PTPRD: variants seen among roughly 807,000 people sequenced by gnomAD.
PTPRD encodes the protein protein tyrosine phosphatase receptor type D, also known as receptor-type tyrosine-protein phosphatase delta.
A neutral mutation model predicts 214.5 loss-of-function variants in PTPRD; 34 were observed. The observed-to-expected ratio is 0.16, with a 90% CI of 0.12 to 0.21. The LOEUF (loss-of-function observed/expected upper bound fraction) is 0.21. Among genes scored for constraint, PTPRD ranks in the 10% least tolerant of loss-of-function variants. The probability of loss-of-function intolerance (pLI) is 1.00; values close to 1 mark genes in which losing one functional copy is unlikely to be tolerated. For missense variants in PTPRD, 2,545 were observed against 2,398.7 expected (o/e 1.06, Z -1.27); for synonymous variants, 1,128 against 845.7 (o/e 1.33, Z -5.79).
chr9:10,057,321 C>T (rs919501706), intron 3 of PTPRD, among the ~76,000 whole-genome samples: 1 of 152,152 alleles, frequency 6.6e-6, no homozygotes, highest in East Asian at 1.9e-4. Context: ...GATAATTTAA[C>T]AGAGGAAATT....
chr9:9,537,992 C>T (rs1286983981), intron 8 of PTPRD, among the ~76,000 whole-genome samples: 1 of 151,694 alleles, frequency 6.6e-6, no homozygotes, highest in African/African-American at 2.4e-5. Flanking sequence ...TTTACAATCT[C>T]CCCTACTACT....
chr9:8,646,762 A>G (rs1449742170), intron 12 of PTPRD, among the ~76,000 whole-genome samples: 1 of 152,154 alleles, frequency 6.6e-6, no homozygotes, highest in Non-Finnish European at 1.5e-5. Flanking sequence ...ACATTCATAG[A>G]ACCTTGAGAA....
intron 10 of PTPRD, among the ~76,000 whole-genome samples, chr9:9,099,916 C>G (rs1028004018): frequency 6.6e-6 from 1 of 152,074 alleles, no homozygotes; most frequent in Non-Finnish European, 1.5e-5. Context: ...TTTGAAAAGT[C>G]TATATTTTAA....
chr9:10,310,814 T>C (rs1300796570), intron 3 of PTPRD, among the ~76,000 whole-genome samples: 1 of 152,080 alleles, frequency 6.6e-6, no homozygotes, highest in Non-Finnish European at 1.5e-5. Flanking sequence ...TCTGAATAGT[T>C]GTTAAACGCA....
At chr9:9,431,987 G>T (rs964231391) in intron 8 of PTPRD, among the ~76,000 whole-genome samples, 3 of 150,570 alleles carry the variant, frequency 2.0e-5, no homozygotes, top group Non-Finnish European at 3.0e-5. Context: ...CACCACCATG[G>T]CACATGTATA....
intron 8 of PTPRD, among the ~76,000 whole-genome samples, chr9:9,448,729 C>G (rs2091264268): frequency 6.6e-6 from 1 of 151,944 alleles, no homozygotes; most frequent in Non-Finnish European, 1.5e-5. Flanking sequence ...CCTTTAAGAC[C>G]AGGTCAGCCT....
intron 11 of PTPRD, among the ~76,000 whole-genome samples, chr9:8,794,461 T>TGG (rs2096344867): frequency 6.6e-6 from 1 of 151,852 alleles, no homozygotes; most frequent in South Asian, 2.1e-4. Flanking sequence ...GACTGTCCAG[T>TGG]GGCACTTATA....
chr9:10,391,033 G>A (rs2098051564), intron 2 of PTPRD, among the ~76,000 whole-genome samples: 1 of 151,802 alleles, frequency 6.6e-6, no homozygotes, highest in Non-Finnish European at 1.5e-5. Context: ...GGGGAACTGT[G>A]CAGTGTCTCA....
chr9:8,831,423 A>G (rs2097288985), intron 11 of PTPRD, among the ~76,000 whole-genome samples: 1 of 152,192 alleles, frequency 6.6e-6, no homozygotes, highest in Admixed American at 6.5e-5. Context: ...ACCGGACTAC[A>G]CATTATACAG....
chr9:8,504,528 A>G, intron 22 of PTPRD, 123 bp from the exon 23 acceptor site: 3 of 1,112,906 alleles, frequency 2.7e-6, no homozygotes, highest in South Asian at 1.5e-5. Context: ...TATCACCAAA[A>G]GAGTCAATAG....
intron 9 of PTPRD, among the ~76,000 whole-genome samples, chr9:9,355,803 T>A (rs770267006): frequency 1.1e-4 from 17 of 151,374 alleles, no homozygotes; most frequent in Non-Finnish European, 2.2e-4. Context: ...CCTGGAGCAT[T>A]TCAATGTTAA....
At chr9:8,892,033 C>T (rs1320942267) in intron 11 of PTPRD, among the ~76,000 whole-genome samples, 1 of 152,168 alleles carries the variant, frequency 6.6e-6, no homozygotes, top group Non-Finnish European at 1.5e-5. Flanking sequence ...TTTCTACTCC[C>T]TCCCTTCCTG....
chr9:9,229,312 A>T lies in PTPRD; in HGVS notation c.-202-45949T>A, dbSNP rs187270566. Among the ~76,000 whole-genome samples the T allele has an allele frequency of 4.1e-3, 624 of 151,732 alleles. 2 individuals carry two copies. Among genetic ancestry groups the T allele is most frequent in the African/African-American group, 0.014 (598 of 41,402 alleles). On this transcript the variant is annotated intron_variant, in intron 9 of 45. Coordinates refer to ENST00000381196, the MANE Select transcript of PTPRD (RefSeq NM_002839.4). ...TGCAAACAAGAGTCTTTAGTTAAGTAAAAAAAAATTATTGGAAGGCTACAA... is the reference window on the plus strand; with the variant it reads ...TGCAAACAAGAGTCTTTAGTTAAGTTAAAAAAAATTATTGGAAGGCTACAA...
In PTPRD at chr9:9,797,396, A is replaced by G. The variant is rs539419399; in HGVS notation, c.-367-30545T>C. Among the ~76,000 whole-genome samples the G allele has an allele frequency of 4.6e-5, 7 of 151,946 alleles. No individual in the cohort carries two copies. In the South Asian group the frequency reaches 1.0e-3, roughly 23 times the overall value. On this transcript the variant is annotated intron_variant, in intron 5 of 45. Coordinates refer to ENST00000381196, the MANE Select transcript of PTPRD (RefSeq NM_002839.4). ...CAAAGCAAATTTATAAAATTTAAGAAGGTAATTATTGTTTAAGAAAGTAGT... is the reference window on the plus strand; with the variant it reads ...CAAAGCAAATTTATAAAATTTAAGAGGGTAATTATTGTTTAAGAAAGTAGT...
chr9:8,481,942 C>A (rs2096895668), intron 30 of PTPRD, among the ~76,000 whole-genome samples: 1 of 152,060 alleles, frequency 6.6e-6, no homozygotes, highest in South Asian at 2.1e-4. Context: ...GCCACCATGC[C>A]CGGCTAATTG....
At chr9:9,842,313 T>C (rs1483723094) in intron 5 of PTPRD, among the ~76,000 whole-genome samples, 1 of 146,542 alleles carries the variant, frequency 6.8e-6, no homozygotes, top group Non-Finnish European at 1.5e-5. Context: ...TTTTTTTTTT[T>C]TTTTTTTTTG....
intron 5 of PTPRD, among the ~76,000 whole-genome samples, chr9:9,890,993 T>C (rs7872069): frequency 0.015 from 2,306 of 152,208 alleles, 54 homozygotes; most frequent in African/African-American, 0.053. Flanking sequence ...AAGAAAAACA[T>C]GCAAAATGGA....
chr9:8,413,658 A>G (rs1015877533), intron 35 of PTPRD, among the ~76,000 whole-genome samples: 1 of 152,178 alleles, frequency 6.6e-6, no homozygotes, highest in Non-Finnish European at 1.5e-5. Context: ...TAATCAAAGA[A>G]GTCACACAGG....
Position 9,026,688 on chromosome 9 carries a change from T to A in PTPRD, c.-142-7953A>T, listed in dbSNP as rs140398594. On this transcript the variant is annotated intron_variant, in intron 10 of 45. Coordinates refer to ENST00000381196, the MANE Select transcript of PTPRD (RefSeq NM_002839.4). ...TAAAGGTATTTGCCAGTTTTCTGCATCGACATTAATGCTGAAGAAGCATTT... is the reference window on the plus strand; with the variant it reads ...TAAAGGTATTTGCCAGTTTTCTGCAACGACATTAATGCTGAAGAAGCATTT... 2.0e-4 allele frequency among the ~76,000 whole-genome samples: 30 copies of A among 152,136 alleles called. No homozygotes were observed. In the East Asian group the frequency reaches 5.4e-3, roughly 27 times the overall value.
Sources: gnomAD v4.1 joint callset for allele counts (sites outside exome capture counted in the v4.1 genomes callset) on GRCh38, gnomAD v4.1.1 for gene constraint, MANE v1.5 for transcripts, NCBI Gene and HGNC (gene_info 2026-07-23, HGNC 2026-07-21) for gene names.